INPP5B: variants seen among roughly 807,000 people sequenced by gnomAD.
INPP5B encodes inositol polyphosphate-5-phosphatase B.
INPP5B carries 90 observed loss-of-function variants against 118.5 expected under a neutral mutation model. The observed-to-expected ratio is 0.76, with a 90% CI of 0.64 to 0.90. INPP5B has a LOEUF of 0.90. INPP5B is among the 40% of genes least tolerant of loss of function. INPP5B has a pLI of 0.00. For synonymous variants in INPP5B, 385 were observed against 418.9 expected (o/e 0.92, Z 0.99); for missense variants, 984 against 1,125.6 (o/e 0.87, Z 1.80).
intron 13 of INPP5B, chr1:37,884,918 C>T (rs957059641): frequency 4.6e-5 from 7 of 151,528 alleles, no homozygotes; most frequent in South Asian, 4.2e-4. Flanking sequence ...CCACTGCACT[C>T]CAGCCTGGGA....
At chr1:37,889,935 T>G (rs111688188) in intron 8 of INPP5B, among the ~76,000 whole-genome samples, 27 of 152,148 alleles carry the variant, frequency 1.8e-4, no homozygotes, top group Non-Finnish European at 2.6e-4. Flanking sequence ...GGTCTGGAGA[T>G]TTTCCTAATA....
intron 23 of INPP5B, 68 bp downstream of exon 23, chr1:37,864,244 C>T (rs1302022114): frequency 1.1e-6 from 1 of 877,376 alleles, no homozygotes; most frequent in East Asian, 2.6e-5. Context: ...GGACCCTCCT[C>T]AACCTCATTT....
At chr1:37,898,273 G>A (rs751631108) in intron 7 of INPP5B, among the ~76,000 whole-genome samples, 1 of 152,140 alleles carries the variant, frequency 6.6e-6, no homozygotes, top group African/African-American at 2.4e-5. Flanking sequence ...TTTTGGGGGT[G>A]AGGGTGGGGT....
chr1:37,910,217 T>A (rs12727148), intron 7 of INPP5B, among the ~76,000 whole-genome samples: 89,689 of 151,986 alleles, frequency 0.59, 28,329 homozygotes, highest in Non-Finnish European at 0.71. Context: ...TCCTCTTCTT[T>A]ATCAATACGG....
intron 7 of INPP5B, among the ~76,000 whole-genome samples, chr1:37,901,892 A>T (rs1644345706): frequency 6.6e-6 from 1 of 151,916 alleles, no homozygotes; most frequent in Non-Finnish European, 1.5e-5. Flanking sequence ...TTTTAACCTC[A>T]GACCTCCAAT....
At chr1:37,887,223 T>C (rs1557649507) in intron 11 of INPP5B, 128 bp downstream of exon 11, 1 of 760,418 alleles carries the variant, frequency 1.3e-6, no homozygotes, top group East Asian at 2.5e-5. Flanking sequence ...TTCTGGAAGA[T>C]CTGGAAATGA....
chr1:37,914,014 C>T (rs1644787553), intron 7 of INPP5B, among the ~76,000 whole-genome samples: 1 of 152,026 alleles, frequency 6.6e-6, no homozygotes, highest in African/African-American at 2.4e-5. Context: ...TGAGAATGTA[C>T]TTTGTACACC....
chr1:37,884,542 T>C (rs1643399918), intron 13 of INPP5B, among the ~76,000 whole-genome samples: 1 of 152,078 alleles, frequency 6.6e-6, no homozygotes. Context: ...CTCAGCCTCC[T>C]AAAATGCTGG....
At chr1:37,897,327 T>C (rs2148550308) in intron 7 of INPP5B, among the ~76,000 whole-genome samples, 1 of 148,640 alleles carries the variant, frequency 6.7e-6, no homozygotes, top group South Asian at 2.2e-4. Context: ...AGAAATCGGA[T>C]GGTTGCCGTG....
intron 7 of INPP5B, among the ~76,000 whole-genome samples, chr1:37,918,628 G>A (rs1311339155): frequency 1.3e-5 from 2 of 152,154 alleles, no homozygotes; most frequent in Non-Finnish European, 2.9e-5. Context: ...TTGGGCTTTG[G>A]AATAAAATAG....
At chr1:37,896,569 C>A (rs1320394083) in intron 7 of INPP5B, among the ~76,000 whole-genome samples, 1 of 146,692 alleles carries the variant, frequency 6.8e-6, no homozygotes, top group African/African-American at 2.5e-5. Flanking sequence ...CCCCTCTGCC[C>A]GGCCAGCCGC....
chr1:37,944,038 CTCTG>C (rs1646031947), intron 3 of INPP5B, 145 bp from the exon 4 acceptor site: 7 of 655,438 alleles, frequency 1.1e-5, no homozygotes, highest in South Asian at 8.5e-5. Flanking sequence ...CTCATGCCAT[CTCTG>C]TCTGTGGTGC....
Position 37,899,149 on chromosome 1 carries a change from C to A in INPP5B, c.533-7695G>T, listed in dbSNP as rs1343463116. 2.1e-5 allele frequency among the ~76,000 whole-genome samples: 3 copies of A among 145,978 alleles called. No homozygotes were observed. In the Admixed American group the frequency reaches 2.1e-4, roughly 10 times the overall value. On this transcript the variant is annotated intron_variant, in intron 7 of 23. Coordinates refer to ENST00000373024, the MANE Select transcript of INPP5B (RefSeq NM_005540.3). ...TGAGCCGAGATCGCGCCATTGCACT[C>A]CAGCCTGGGCAACAAGAGTGAAACT...
chr1:37,895,498 CCTCCCTCTCTCTCTCCCCACAGT>C, intron 7 of INPP5B, among the ~76,000 whole-genome samples: 1 of 151,744 alleles, frequency 6.6e-6, no homozygotes, highest in Non-Finnish European at 1.5e-5. Context: ...TCCCCCTCCC[CCTCCCTCTCTCTCTCCCCACAGT>C]CTCCCTCTCC....
At chr1:37,899,719 C>CTT (rs58118510) in intron 7 of INPP5B, among the ~76,000 whole-genome samples, 4 of 143,828 alleles carry the variant, frequency 2.8e-5, no homozygotes, top group Non-Finnish European at 6.1e-5. Context: ...TCCATTTCAT[C>CTT]TTTTTTTTTT....
intron 7 of INPP5B, among the ~76,000 whole-genome samples, chr1:37,923,781 CT>C (rs35911212): frequency 0.67 from 98,603 of 147,716 alleles, 32,859 homozygotes; most frequent in East Asian, 0.73. Context: ...AAGTGCAGTT[CT>C]TTTTTTTTTT....
intron 7 of INPP5B, among the ~76,000 whole-genome samples, chr1:37,922,075 A>G (rs1645076630): frequency 6.6e-6 from 1 of 151,468 alleles, no homozygotes; most frequent in Non-Finnish European, 1.5e-5. Context: ...GGTGGCAGAC[A>G]CCTGTAGTCC....
intron 19 of INPP5B, among the ~76,000 whole-genome samples, chr1:37,869,475 A>T (rs895960048): frequency 6.8e-6 from 1 of 147,126 alleles, no homozygotes; most frequent in African/African-American, 2.5e-5. Flanking sequence ...TTATTTATTT[A>T]TTTATTTACT....
At chr1:37,932,097 G>T in intron 6 of INPP5B, 44 bp from the exon 7 acceptor site, 1 of 1,514,924 alleles carries the variant, frequency 6.6e-7, no homozygotes, top group Non-Finnish European at 8.8e-7. Flanking sequence ...CGAGCTTGAA[G>T]AGCCGGCTCT....
Sources: gnomAD v4.1 joint callset for allele counts (sites outside exome capture counted in the v4.1 genomes callset) on GRCh38, gnomAD v4.1.1 for gene constraint, MANE v1.5 for transcripts, NCBI Gene and HGNC (gene_info 2026-07-23, HGNC 2026-07-21) for gene names.